The following IGSF21 variants were observed in gnomAD, a reference collection of about 807,000 sequenced individuals.
IGSF21 encodes the protein immunoglobulin superfamily member 21.
In IGSF21, 28 loss-of-function variants were observed where a neutral mutation model predicts 46.8. The ratio of observed to expected loss-of-function variants is 0.60; its 90% CI spans 0.44 to 0.82. The LOEUF (loss-of-function observed/expected upper bound fraction) is 0.82, where lower values mean the gene tolerates loss of function less well. Among genes scored for constraint, IGSF21 ranks in the 40% least tolerant of loss-of-function variants. The pLI, the probability that IGSF21 is intolerant of heterozygous loss-of-function variation, is 0.00. For synonymous variants in IGSF21, 284 were observed against 273.6 expected (o/e 1.04, Z -0.38); for missense variants, 624 against 665.5 (o/e 0.94, Z 0.69).
chr1:18,192,363 G>A (rs1278295391), intron 1 of IGSF21, among the ~76,000 whole-genome samples: 4 of 152,212 alleles, frequency 2.6e-5, no homozygotes, highest in Admixed American at 6.5e-5. Context: ...ATCTCTCCCT[G>A]TGCCTCAGTT....
At chr1:18,349,778 C>T (rs745679900) in intron 4 of IGSF21, among the ~76,000 whole-genome samples, 2 of 152,028 alleles carry the variant, frequency 1.3e-5, no homozygotes, top group Admixed American at 6.5e-5. Context: ...GGAAACTAGC[C>T]AAGCGCAGTG....
intron 2 of IGSF21, among the ~76,000 whole-genome samples, chr1:18,274,236 T>A (rs2085079060): frequency 1.3e-5 from 2 of 152,078 alleles, no homozygotes; most frequent in South Asian, 4.1e-4. Flanking sequence ...ATGAAGGCTA[T>A]AACCACACCT....
intron 2 of IGSF21, among the ~76,000 whole-genome samples, chr1:18,231,248 G>A (rs550714985): frequency 3.3e-5 from 5 of 152,352 alleles, no homozygotes; most frequent in Non-Finnish European, 5.9e-5. Context: ...ATCCTGAGCT[G>A]TCAGAAAACA....
intron 3 of IGSF21, among the ~76,000 whole-genome samples, chr1:18,305,207 A>ATGGATGG (rs1557634817): frequency 2.9e-4 from 30 of 103,268 alleles, no homozygotes; most frequent in African/African-American, 1.1e-3. Context: ...TGGATGGATG[A>ATGGATGG]ATGGATAATG....
At chr1:18,273,328 A>ACAATT (rs2085061456) in intron 2 of IGSF21, among the ~76,000 whole-genome samples, 1 of 105,220 alleles carries the variant, frequency 9.5e-6, no homozygotes, top group East Asian at 2.7e-4. Context: ...GGCATGAGCC[A>ACAATT]CCATTCCTTT....
chr1:18,157,805 T>A (rs185928960), intron 1 of IGSF21, among the ~76,000 whole-genome samples: 229 of 152,294 alleles, frequency 1.5e-3, no homozygotes, highest in East Asian at 5.8e-3. Flanking sequence ...ATTGCCTCTT[T>A]GCTGGATGAG....
intron 3 of IGSF21, among the ~76,000 whole-genome samples, chr1:18,330,631 G>A (rs938359284): frequency 1.3e-5 from 1 of 75,458 alleles, no homozygotes; most frequent in Non-Finnish European, 3.7e-5. Flanking sequence ...AGGGAAGGTG[G>A]GAGACATGGC....
intron 1 of IGSF21, among the ~76,000 whole-genome samples, chr1:18,159,115 A>G (rs1364815486): frequency 2.0e-5 from 3 of 152,150 alleles, no homozygotes; most frequent in African/African-American, 7.2e-5. Context: ...CACTGTACCC[A>G]TTAGACTATG....
intron 1 of IGSF21, among the ~76,000 whole-genome samples, chr1:18,134,544 C>T (rs2086351465): frequency 6.6e-6 from 1 of 152,194 alleles, no homozygotes; most frequent in South Asian, 2.1e-4. Context: ...AGCATTTAGG[C>T]AAACACATTA....
chr1:18,224,371 A>G (rs566052134), intron 1 of IGSF21, among the ~76,000 whole-genome samples: 3 of 152,132 alleles, frequency 2.0e-5, no homozygotes, highest in South Asian at 2.1e-4. Context: ...CAATACCCCT[A>G]TGGCTCACAC....
At chr1:18,224,835 C>T (rs942972075) in intron 1 of IGSF21, among the ~76,000 whole-genome samples, 6 of 151,884 alleles carry the variant, frequency 4.0e-5, no homozygotes, top group South Asian at 2.1e-4. Flanking sequence ...GAGGCCCAGG[C>T]GGGTGGATCA....
At chr1:18,182,195 T>TTA (rs397955202) in intron 1 of IGSF21, among the ~76,000 whole-genome samples, 4 of 148,756 alleles carry the variant, frequency 2.7e-5, no homozygotes, top group Admixed American at 6.7e-5. Flanking sequence ...TTTTTTTTTT[T>TTA]AGACAAGGTC....
chr1:18,199,558 G>A (rs141307499), intron 1 of IGSF21, among the ~76,000 whole-genome samples: 19 of 152,056 alleles, frequency 1.2e-4, no homozygotes, highest in Non-Finnish European at 2.6e-4. Context: ...TCCCAGCCCT[G>A]GTGACTCCAC....
At chr1:18,207,085 GA>G (rs1385595468) in intron 1 of IGSF21, among the ~76,000 whole-genome samples, 1 of 152,180 alleles carries the variant, frequency 6.6e-6, no homozygotes, top group Non-Finnish European at 1.5e-5. Flanking sequence ...AGTTGTTGCA[GA>G]ATTCAATTCC....
At chr1:18,244,980 T>C (rs2084770739) in intron 2 of IGSF21, among the ~76,000 whole-genome samples, 2 of 152,210 alleles carry the variant, frequency 1.3e-5, no homozygotes, top group Admixed American at 1.3e-4. Flanking sequence ...AGTTTCCTCA[T>C]CTCATGTAAT....
chr1:18,339,700 G>T (rs2085808605), intron 4 of IGSF21, among the ~76,000 whole-genome samples: 1 of 152,172 alleles, frequency 6.6e-6, no homozygotes, highest in Non-Finnish European at 1.5e-5. Flanking sequence ...TTTCTAGCCT[G>T]GGCAACAGTG....
At chr1:18,253,132 C>A (rs770833958) in intron 2 of IGSF21, among the ~76,000 whole-genome samples, 3 of 152,172 alleles carry the variant, frequency 2.0e-5, no homozygotes, top group Non-Finnish European at 4.4e-5. Context: ...ATGAATGTGT[C>A]CCTCTTTCCC....
intron 3 of IGSF21, among the ~76,000 whole-genome samples, chr1:18,292,900 C>A (rs138756611): frequency 6.7e-4 from 102 of 152,354 alleles, no homozygotes; most frequent in Non-Finnish European, 1.1e-3. Context: ...ACACACTCTT[C>A]CACGCCACAC....
At chr1:18,250,254 C>T (rs774050531) in intron 2 of IGSF21, among the ~76,000 whole-genome samples, 9 of 151,866 alleles carry the variant, frequency 5.9e-5, no homozygotes, top group Non-Finnish European at 1.3e-4. Context: ...TCTTCAGCAT[C>T]AGTTTGGGAG....
Sources: allele counts gnomAD v4.1 joint callset (sites outside exome capture counted in the v4.1 genomes callset), GRCh38; gene constraint gnomAD v4.1.1; transcripts MANE v1.5; gene names NCBI Gene and HGNC (gene_info 2026-07-23, HGNC 2026-07-21).